Variants in PCDH9 observed in about 807,000 individuals in gnomAD.
PCDH9 encodes the protein protocadherin-9.
A neutral mutation model predicts 70.6 loss-of-function variants in PCDH9; 24 were observed. The ratio of observed to expected loss-of-function variants is 0.34; its 90% CI spans 0.25 to 0.48. PCDH9 has a LOEUF of 0.48. Among genes scored for constraint, PCDH9 ranks in the 20% least tolerant of loss-of-function variants. PCDH9 has a pLI of 0.99. For missense variants in PCDH9, 1,281 were observed against 1,503.6 expected (o/e 0.85, Z 2.45); for synonymous variants, 562 against 558.5 (o/e 1.01, Z -0.09).
intron 2 of PCDH9, among the ~76,000 whole-genome samples, chr13:66,993,690 C>G (rs1396387766): frequency 6.6e-6 from 1 of 152,162 alleles, no homozygotes; most frequent in Non-Finnish European, 1.5e-5. Context: ...AGTGAATAAG[C>G]TGTGAAATAA....
At chr13:66,339,131 C>G (rs902447920) in intron 4 of PCDH9, among the ~76,000 whole-genome samples, 1 of 152,060 alleles carries the variant, frequency 6.6e-6, no homozygotes, top group Non-Finnish European at 1.5e-5. Context: ...AACGTAACTT[C>G]AACCCTCAGC....
At chr13:66,750,753 A>G (rs2079444745) in intron 3 of PCDH9, among the ~76,000 whole-genome samples, 1 of 152,166 alleles carries the variant, frequency 6.6e-6, no homozygotes. Context: ...ATAAACACAA[A>G]GAGGCTTAGA....
chr13:66,564,152 A>C (rs2076617145), intron 4 of PCDH9, among the ~76,000 whole-genome samples: 1 of 152,078 alleles, frequency 6.6e-6, no homozygotes, highest in Non-Finnish European at 1.5e-5. Flanking sequence ...ACTTGTTTCA[A>C]TGTTTTATGG....
At chr13:67,142,874 T>C (rs1404674475) in intron 2 of PCDH9, among the ~76,000 whole-genome samples, 2 of 149,602 alleles carry the variant, frequency 1.3e-5, no homozygotes, top group African/African-American at 4.9e-5. Context: ...CTGGGCGTTG[T>C]AGCAGGCACC....
intron 2 of PCDH9, among the ~76,000 whole-genome samples, chr13:67,003,996 A>G (rs1317731217): frequency 6.6e-6 from 1 of 152,156 alleles, no homozygotes; most frequent in African/African-American, 2.4e-5. Context: ...AATCTTCTCT[A>G]TAGTCCCATT....
At chr13:66,583,941 T>C (rs979103343) in intron 4 of PCDH9, among the ~76,000 whole-genome samples, 1 of 152,204 alleles carries the variant, frequency 6.6e-6, no homozygotes, top group Non-Finnish European at 1.5e-5. Context: ...GATGTTACCA[T>C]TTACATAGTC....
At chr13:67,095,352 T>C (rs978884130) in intron 2 of PCDH9, among the ~76,000 whole-genome samples, 4 of 152,134 alleles carry the variant, frequency 2.6e-5, no homozygotes, top group Non-Finnish European at 5.9e-5. Context: ...TCATAGAATA[T>C]CTAAAAAATT....
intron 3 of PCDH9, among the ~76,000 whole-genome samples, chr13:66,900,807 A>C (rs371809860): frequency 1.3e-5 from 2 of 151,754 alleles, no homozygotes; most frequent in Non-Finnish European, 3.0e-5. Context: ...GTGTGTGTTA[A>C]ACAGAACAAT....
chr13:66,546,529 T>G (rs1311364647), intron 4 of PCDH9, among the ~76,000 whole-genome samples: 1 of 152,218 alleles, frequency 6.6e-6, no homozygotes, highest in Non-Finnish European at 1.5e-5. Flanking sequence ...TAAGTGTTAT[T>G]ACCAAAGAGT....
At chr13:66,396,596 G>C (rs1468934946) in intron 4 of PCDH9, among the ~76,000 whole-genome samples, 1 of 152,134 alleles carries the variant, frequency 6.6e-6, no homozygotes, top group Admixed American at 6.5e-5. Flanking sequence ...CAGACAGATA[G>C]ATAGACAAAC....
At chr13:66,319,408 G>T (rs1285564713) in intron 4 of PCDH9, among the ~76,000 whole-genome samples, 1 of 150,818 alleles carries the variant, frequency 6.6e-6, no homozygotes, top group Admixed American at 6.6e-5. Flanking sequence ...TTGACTTTGT[G>T]GTAGAGAAGG....
At chr13:66,844,741 C>T (rs1326235787) in intron 3 of PCDH9, among the ~76,000 whole-genome samples, 1 of 152,098 alleles carries the variant, frequency 6.6e-6, no homozygotes, top group Non-Finnish European at 1.5e-5. Flanking sequence ...CCTCATCCTG[C>T]CACATGTCCA....
chr13:66,714,865 A>G lies in PCDH9; in HGVS notation c.3139-83454T>C, dbSNP rs111243965. 9.3e-3 allele frequency among the ~76,000 whole-genome samples: 1,420 copies of G among 152,256 alleles called. 20 individuals carry two copies. Among genetic ancestry groups the G allele is most frequent in the African/African-American group, 0.032 (1,341 of 41,548 alleles). On this transcript the variant is annotated intron_variant, in intron 3 of 4. Transcript: ENST00000377865. ...TATTCAACAATTGTAAATCATTTTA[A>G]TTCTAATAACTCATTGTTACTACCT...
intron 2 of PCDH9, among the ~76,000 whole-genome samples, chr13:67,073,445 G>A (rs774413399): frequency 4.0e-5 from 6 of 151,790 alleles, no homozygotes; most frequent in Non-Finnish European, 8.8e-5. Flanking sequence ...TTTACATGAG[G>A]CTGCTTAAAG....
intron 3 of PCDH9, among the ~76,000 whole-genome samples, chr13:66,676,915 T>C (rs1307588297): frequency 6.6e-6 from 1 of 152,136 alleles, no homozygotes; most frequent in East Asian, 1.9e-4. Flanking sequence ...TAATGTTTGT[T>C]TTCCTTTATA....
intron 3 of PCDH9, among the ~76,000 whole-genome samples, chr13:66,829,440 G>A (rs967708379): frequency 1.3e-5 from 2 of 152,028 alleles, no homozygotes; most frequent in African/African-American, 4.8e-5. Context: ...ACTTGGGTTG[G>A]ACTGGGATTG....
chr13:66,885,037 C>A (rs1198389476), intron 3 of PCDH9, among the ~76,000 whole-genome samples: 1 of 152,022 alleles, frequency 6.6e-6, no homozygotes, highest in Non-Finnish European at 1.5e-5. Flanking sequence ...CCACAATATA[C>A]CCTGAATTTT....
intron 4 of PCDH9, among the ~76,000 whole-genome samples, chr13:66,473,392 TC>T (rs1349138765): frequency 1.3e-5 from 2 of 151,324 alleles, no homozygotes; most frequent in Non-Finnish European, 3.0e-5. Context: ...TGTTTTTTTT[TC>T]ATTTCCATTG....
At chr13:66,413,124 A>G (rs200048272) in intron 4 of PCDH9, among the ~76,000 whole-genome samples, 1 of 152,296 alleles carries the variant, frequency 6.6e-6, no homozygotes, top group South Asian at 2.1e-4. Flanking sequence ...AAAAAAATGC[A>G]AGTGCTTCTA....
Sources: gnomAD v4.1 joint callset for allele counts (sites outside exome capture counted in the v4.1 genomes callset) on GRCh38, gnomAD v4.1.1 for gene constraint, MANE v1.5 for transcripts, NCBI Gene and HGNC (gene_info 2026-07-23, HGNC 2026-07-21) for gene names.